The following CROCC variants were observed in gnomAD, a reference collection of about 807,000 sequenced individuals.
CROCC encodes ciliary rootlet coiled-coil, rootletin, also known as rootletin.
A neutral mutation model predicts 245.2 loss-of-function variants in CROCC; 180 were observed. The ratio of observed to expected loss-of-function variants is 0.73; its 90% CI spans 0.65 to 0.83. CROCC has a LOEUF of 0.83. Ranked by LOEUF, CROCC falls within the 40% of genes least tolerant of loss-of-function variation. The probability of loss-of-function intolerance (pLI) is 0.00; values close to 1 mark genes in which losing one functional copy is unlikely to be tolerated. For synonymous variants in CROCC, 1,205 were observed against 1,241.6 expected, an observed-to-expected ratio of 0.97 and a Z score of 0.62; for missense variants, 2,688 against 2,779.4, an observed-to-expected ratio of 0.97 and a Z score of 0.74.
At chr1:16,925,084 G>T (rs537826077) in intron 3 of CROCC, among the ~76,000 whole-genome samples, 6 of 152,274 alleles carry the variant, frequency 3.9e-5, no homozygotes, top group Non-Finnish European at 7.3e-5. Context: ...GGTGTGAGCC[G>T]GTGCGAGGGG....
In CROCC at chr1:16,972,447, G is replaced by A. The variant is rs1410953272; in HGVS notation, c.*1G>A. 1.9e-6 allele frequency: 3 copies of A among 1,610,928 alleles called. No individual in the cohort carries two copies. The South Asian group carries it at 3.3e-5, about 18-fold the overall frequency. ...ACCCTCCGGCCCCCCAGAGAAATGA[G>A]CTCCTGCTGGCATCTGGAGAACACC... On this transcript the variant is annotated 3_prime_UTR_variant, in exon 37 of 37. Transcript: ENST00000375541.
chr1:16,933,697 C>G (rs1157919846), intron 8 of CROCC, among the ~76,000 whole-genome samples: 1 of 152,260 alleles, frequency 6.6e-6, no homozygotes, highest in East Asian at 1.9e-4. Flanking sequence ...CCCTGCGTAG[C>G]TGGGATTACA....
At position 16,936,617 on chromosome 1, in the gene CROCC, G is replaced by C. The variant is rs921757707; in HGVS notation, c.957-20G>C. 3 of 1,563,372 alleles carry C rather than the reference G, an allele frequency of 1.9e-6. No individual in the cohort carries two copies. Among genetic ancestry groups the C allele is most frequent in the East Asian group, 4.6e-5 (2 of 43,946 alleles). ...TGGGAGCAAGCCCCATCCATCCCCA[G>C]CCTGTGCTCTCTCCCGAAGGGACCT... On this transcript the variant is annotated intron_variant, in intron 8 of 36. Coordinates refer to ENST00000375541, the MANE Select transcript of CROCC (RefSeq NM_014675.5).
Position 16,930,447 on chromosome 1 carries a change from G to T in CROCC, c.702G>T (p.Gln234His). The change falls in exon 7 of 37, where the codon CAG becomes CAT. Residue 234 changes from glutamine (Q) to histidine (H), a missense_variant. Transcript: ENST00000375541. ...EEQQRSASLA[Q>H]VNAMLREQLD... is the part of the protein sequence containing the mutation. Reference sequence around the variant, plus strand: ...CATTCAGGAGTGCCAGCCTGGCCCAGGTGAATGCCATGCTCCGAGAACAGC... The same window carrying T: ...CATTCAGGAGTGCCAGCCTGGCCCATGTGAATGCCATGCTCCGAGAACAGC... 1 of 1,611,988 alleles carries T rather than the reference G, an allele frequency of 6.2e-7. No homozygotes were observed.
At chr1:16,952,339 G>C (rs565286575) in intron 20 of CROCC, among the ~76,000 whole-genome samples, 68 of 151,948 alleles carry the variant, frequency 4.5e-4, no homozygotes, top group Non-Finnish European at 8.5e-4. Flanking sequence ...CAAAAAATTA[G>C]CTGGGCGTGG....
chr1:16,927,512 G>A (rs1350049220), intron 3 of CROCC, among the ~76,000 whole-genome samples: 2 of 152,238 alleles, frequency 1.3e-5, no homozygotes, highest in African/African-American at 2.4e-5. Context: ...CACACAGCCA[G>A]GCCCAACACC....
At chr1:16,955,812 T>C (rs1282457767) in intron 24 of CROCC, among the ~76,000 whole-genome samples, 185 bp from the exon 25 acceptor site, 1 of 151,854 alleles carries the variant, frequency 6.6e-6, no homozygotes, top group East Asian at 1.9e-4. Context: ...CTGGAGTCAC[T>C]GGTCTACCCC....
Position 16,972,486 on chromosome 1 carries a change from C to A in CROCC, c.*40C>A. 1.4e-6 allele frequency: 2 copies of A among 1,448,868 alleles called. No homozygotes were observed. Among genetic ancestry groups the A allele is most frequent in the Non-Finnish European group, 1.9e-6 (2 of 1,056,852 alleles). The allele number at this position is 1,448,868 out of a possible 1,614,324, so 89.8% of individuals were successfully genotyped here. On this transcript the variant is annotated 3_prime_UTR_variant, in exon 37 of 37. Transcript: ENST00000375541. ...CTGGAGAACACCCCTGTGCCTGGGA[C>A]AGGGGAGGACCCTTCTTTTGGACAG...
chr1:16,921,203 A>T (rs1239342632), upstream of CROCC, among the ~76,000 whole-genome samples: 1 of 152,238 alleles, frequency 6.6e-6, no homozygotes, highest in East Asian at 1.9e-4. Flanking sequence ...ATCACATCTT[A>T]CGTAAGAGGA....
chr1:16,918,884 C>T (rs2075346448), upstream of CROCC, among the ~76,000 whole-genome samples: 1 of 152,216 alleles, frequency 6.6e-6, no homozygotes, highest in Admixed American at 6.5e-5. Context: ...CTACAGGCAC[C>T]CACCACCATG....
In CROCC at chr1:16,929,893, G is replaced by T. The variant is rs963792605; in HGVS notation, c.399G>T (p.Glu133Asp). The T allele has an allele frequency of 2.5e-6, 4 of 1,586,650 alleles. No individual in the cohort carries two copies. Among genetic ancestry groups the T allele is most frequent in the African/African-American group, 1.3e-5 (1 of 74,722 alleles). Residue 133 changes from glutamate to aspartate, a missense_variant, in exon 4 of 37, where the codon GAG (glutamate) becomes GAT (aspartate). Coordinates refer to ENST00000375541, the MANE Select transcript of CROCC (RefSeq NM_014675.5). ...AGCCTGGGGAGCTGGAGACGCAGGA[G>T]CCCAGGGGGCTGGTACGGCAGAGCG... ...RLEPGELETQEPRGLVRQSVE... is the reference protein window; with the variant it reads ...RLEPGELETQDPRGLVRQSVE...
intron 26 of CROCC, 132 bp downstream of exon 26, chr1:16,958,882 T>C: frequency 1.9e-6 from 2 of 1,036,964 alleles, no homozygotes; most frequent in Non-Finnish European, 2.8e-6. Context: ...CTTGAGACTC[T>C]TCCCCAGTTG....
chr1:16,943,059 A>G (rs1171964057), intron 13 of CROCC, among the ~76,000 whole-genome samples: 2 of 152,200 alleles, frequency 1.3e-5, no homozygotes, highest in African/African-American at 4.8e-5. Context: ...CCTGACCAAC[A>G]TGGAGAAACC....
intron 23 of CROCC, 23 bp from the exon 24 acceptor site, chr1:16,955,289 G>A: frequency 6.2e-7 from 1 of 1,602,428 alleles, no homozygotes; most frequent in Non-Finnish European, 8.5e-7. Flanking sequence ...CCGCTGCCCT[G>A]GGGACACCTG....
intron 17 of CROCC, 138 bp from the exon 18 acceptor site, chr1:16,948,193 A>G (rs188217265): frequency 2.1e-6 from 3 of 1,403,600 alleles, no homozygotes; most frequent in Admixed American, 3.0e-5. Context: ...GCCCAAGTAC[A>G]TGTAGCACAT....
Position 16,961,099 on chromosome 1 carries a change from C to T in CROCC, c.4374C>T (p.Pro1458=), listed in dbSNP as rs1041295060. 7 of 1,362,690 alleles carry T rather than the reference C, an allele frequency of 5.1e-6. 1 individual carries two copies. Among genetic ancestry groups the T allele is most frequent in the Middle Eastern group, 2.7e-4 (1 of 3,668 alleles). 84.4% of individuals were successfully genotyped at this position (1,362,690 alleles called of 1,614,324 possible). ...RAPSPAPRPV[P]GSPARDAPAE... ...CCAGCCCAGCCCCGCGGCCAGTGCC[C>T]GGTTCCCCTGCCCGGGACGCACCCG... Residue 1458 remains proline, a synonymous_variant, in exon 27 of 37, where the codon CCC becomes CCT. Transcript: ENST00000375541.
At chr1:16,946,426 C>G in intron 16 of CROCC, 21 bp downstream of exon 16, 1 of 1,604,348 alleles carries the variant, frequency 6.2e-7, no homozygotes, top group Non-Finnish European at 8.5e-7. Flanking sequence ...CACCTGCGGG[C>G]CCACCTGCCT....
rs771328972 is a variant in CROCC, at chr1:16,955,324, C to A, written c.3478C>A (p.Arg1160=). Residue 1160 remains arginine (R), a synonymous_variant, in exon 24 of 37, where the codon CGG becomes AGG. Transcript: ENST00000375541. Reference sequence around the variant, plus strand: ...GCTGTGCTCACAGGCAGAAGAGCTTCGGACCCAGCTGCGTCTGCTGGAGGA... The same window carrying A: ...GCTGTGCTCACAGGCAGAAGAGCTTAGGACCCAGCTGCGTCTGCTGGAGGA... ...DSCLREAEEL[R]TQLRLLEDAR... is the part of the protein sequence containing the mutation. The A allele has an allele frequency of 6.2e-7, 1 of 1,607,872 alleles. No homozygotes were observed. The highest frequency in any genetic ancestry group is 1.1e-5 in the South Asian group (1 of 91,052).
Position 16,930,328 on chromosome 1 carries a change from C to G in CROCC, c.664C>G (p.Leu222Val). 6.2e-7 allele frequency: 1 copy of G among 1,610,068 alleles called. No homozygotes were observed. The change falls in exon 6 of 37, where the codon CTG (leucine) becomes GTG (valine). Residue 222 changes from leucine (L) to valine (V), a missense_variant. Physicochemically the swap from Leu to Val is conservative, Grantham distance 32. Coordinates refer to ENST00000375541, the MANE Select transcript of CROCC (RefSeq NM_014675.5). ...AGACCTGGAAAGCGCCCTCATCCGGCTGGAGGAGGAGCAGCAGAGGTGAGG... is the reference window on the plus strand; with the variant it reads ...AGACCTGGAAAGCGCCCTCATCCGGGTGGAGGAGGAGCAGCAGAGGTGAGG... The part of the protein sequence containing the change: ...SQDLESALIR[L>V]EEEQQRSASL...
Sources: allele counts gnomAD v4.1 joint callset (sites outside exome capture counted in the v4.1 genomes callset), GRCh38; gene constraint gnomAD v4.1.1; transcripts MANE v1.5; gene names NCBI Gene and HGNC (gene_info 2026-07-23, HGNC 2026-07-21).